Variants in BRINP3 observed in about 807,000 individuals in gnomAD.
BRINP3 encodes the protein BMP/retinoic acid inducible neural specific 3.
Under a neutral mutation model 71.0 loss-of-function variants are expected in BRINP3, and 19 were observed. The ratio of observed to expected loss-of-function variants is 0.27; its 90% CI spans 0.19 to 0.39. BRINP3 has a LOEUF of 0.39. BRINP3 is among the 10% of genes least tolerant of loss of function. The pLI is 1.00. For missense variants in BRINP3, 959 were observed against 940.8 expected, an observed-to-expected ratio of 1.02 and a Z score of -0.25; for synonymous variants, 380 against 337.7, an observed-to-expected ratio of 1.13 and a Z score of -1.37.
chr1:190,307,002 G>A lies in BRINP3; in HGVS notation c.237-25252C>T, dbSNP rs181864304. ...AAAATAAATCATTTCCATGAAACTC[G>A]TGTAGTTCTGAGGAGCACATATTGT... On this transcript the variant is annotated intron_variant, in intron 2 of 7. Coordinates refer to ENST00000367462, the MANE Select transcript of BRINP3 (RefSeq NM_199051.3). Among the ~76,000 whole-genome samples the A allele has an allele frequency of 4.6e-5, 7 of 151,776 alleles. No homozygotes were observed. In the South Asian group the frequency reaches 1.0e-3, roughly 22 times the overall value.
At chr1:190,453,351 G>T (rs1057360833) in intron 2 of BRINP3, among the ~76,000 whole-genome samples, 5 of 150,944 alleles carry the variant, frequency 3.3e-5, no homozygotes. Context: ...CTCCCCAGTA[G>T]CTGGGACTAC....
chr1:190,307,778 T>A (rs1665224565), intron 2 of BRINP3, among the ~76,000 whole-genome samples: 2 of 151,938 alleles, frequency 1.3e-5, no homozygotes, highest in South Asian at 4.1e-4. Flanking sequence ...TTTACAACAC[T>A]AACAAAAGAC....
intron 6 of BRINP3, among the ~76,000 whole-genome samples, chr1:190,163,929 T>C (rs1651246597): frequency 6.6e-6 from 1 of 152,138 alleles, no homozygotes; most frequent in Admixed American, 6.6e-5. Context: ...GGAGCAATTT[T>C]ATATGCAAAA....
intron 2 of BRINP3, among the ~76,000 whole-genome samples, chr1:190,372,260 C>T (rs545405150): frequency 7.9e-4 from 120 of 152,268 alleles, no homozygotes; most frequent in African/African-American, 2.6e-3. Flanking sequence ...CCTGTTGAAC[C>T]AAGCTCAAAG....
chr1:190,117,684 A>G (rs1439655930), intron 7 of BRINP3, among the ~76,000 whole-genome samples: 3 of 152,062 alleles, frequency 2.0e-5, no homozygotes, highest in Non-Finnish European at 4.4e-5. Context: ...AGAATCACAA[A>G]TGTCATTATC....
chr1:190,288,771 T>C (rs950660876), intron 2 of BRINP3, among the ~76,000 whole-genome samples: 5 of 151,918 alleles, frequency 3.3e-5, no homozygotes, highest in Non-Finnish European at 5.9e-5. Context: ...GGTAATGCGA[T>C]TTTGTGGAAT....
chr1:190,277,517 G>C (rs1265501053), intron 3 of BRINP3, among the ~76,000 whole-genome samples: 1 of 151,406 alleles, frequency 6.6e-6, no homozygotes, highest in African/African-American at 2.4e-5. Flanking sequence ...GAATATTTTG[G>C]TCTCTATGTT....
chr1:190,420,896 G>A (rs756857629), intron 2 of BRINP3, among the ~76,000 whole-genome samples: 1 of 151,688 alleles, frequency 6.6e-6, no homozygotes, highest in Non-Finnish European at 1.5e-5. Context: ...TAATCTAAAG[G>A]TTTCTATTTC....
At chr1:190,137,838 T>G (rs1320361840) in intron 7 of BRINP3, among the ~76,000 whole-genome samples, 1 of 152,168 alleles carries the variant, frequency 6.6e-6, no homozygotes, top group East Asian at 1.9e-4. Flanking sequence ...TAAATATAAA[T>G]TATTTTAGAT....
intron 2 of BRINP3, among the ~76,000 whole-genome samples, chr1:190,299,952 A>G (rs1350932245): frequency 2.0e-5 from 3 of 151,908 alleles, no homozygotes; most frequent in African/African-American, 7.3e-5. Context: ...TTTGAGGTTA[A>G]CCTGACCCTT....
intron 2 of BRINP3, among the ~76,000 whole-genome samples, chr1:190,335,334 T>C (rs1290431462): frequency 3.3e-5 from 5 of 151,874 alleles, no homozygotes; most frequent in South Asian, 2.1e-4. Flanking sequence ...CTTTTACTAC[T>C]TGCCTTAAAA....
chr1:190,456,911 C>T (rs1055288715), intron 1 of BRINP3, among the ~76,000 whole-genome samples: 3 of 152,026 alleles, frequency 2.0e-5, no homozygotes, highest in Non-Finnish European at 4.4e-5. Flanking sequence ...TTCAGTCACA[C>T]CATCTAAATG....
rs1381055677 is a variant in BRINP3 at position 190,203,398 on chromosome 1, A to AATAT, written c.961+22680_961+22683dup. 2.0e-5 allele frequency among the ~76,000 whole-genome samples: 3 copies of AATAT among 149,766 alleles called. No homozygotes were observed. In the South Asian group the frequency reaches 6.5e-4, roughly 32 times the overall value. ...AGGCACATTGCAAAAGTACTTATCA[A>AATAT]ATATATATATGTATGTGTGTGTGTA... On this transcript the variant is annotated intron_variant, in intron 6 of 7. Transcript: ENST00000367462.
At chr1:190,262,235 C>A (rs1015751141) in intron 4 of BRINP3, among the ~76,000 whole-genome samples, 1 of 152,066 alleles carries the variant, frequency 6.6e-6, no homozygotes, top group African/African-American at 2.4e-5. Flanking sequence ...TTCATAATAA[C>A]CCTGAGTGCA....
intron 2 of BRINP3, among the ~76,000 whole-genome samples, chr1:190,361,680 G>C (rs761847584): frequency 6.6e-6 from 1 of 152,078 alleles, no homozygotes; most frequent in Non-Finnish European, 1.5e-5. Context: ...GGAATTACAG[G>C]CGTGAGCCAC....
chr1:190,223,863 GA>G (rs1224381784), intron 6 of BRINP3, among the ~76,000 whole-genome samples: 1 of 151,528 alleles, frequency 6.6e-6, no homozygotes, highest in South Asian at 2.1e-4. Flanking sequence ...CAAATAATCT[GA>G]AAAAACAAGA....
intron 2 of BRINP3, among the ~76,000 whole-genome samples, chr1:190,435,234 G>A (rs1385925594): frequency 6.6e-6 from 1 of 151,986 alleles, no homozygotes; most frequent in Non-Finnish European, 1.5e-5. Context: ...TCTGATGCTT[G>A]CCTGAAAAAG....
intron 4 of BRINP3, among the ~76,000 whole-genome samples, chr1:190,248,515 C>T (rs1424358053): frequency 6.6e-6 from 1 of 151,804 alleles, no homozygotes; most frequent in African/African-American, 2.4e-5. Context: ...CTACTCTCCA[C>T]CTACCCAGGG....
intron 2 of BRINP3, among the ~76,000 whole-genome samples, chr1:190,376,128 G>A (rs1313559860): frequency 6.6e-6 from 1 of 151,810 alleles, no homozygotes; most frequent in Non-Finnish European, 1.5e-5. Context: ...TGCCTCTTCA[G>A]GGTTTAGTAG....
Sources: gnomAD v4.1 joint callset for allele counts (sites outside exome capture counted in the v4.1 genomes callset) on GRCh38, gnomAD v4.1.1 for gene constraint, MANE v1.5 for transcripts, NCBI Gene and HGNC (gene_info 2026-07-23, HGNC 2026-07-21) for gene names.